Variants in GSE1 observed in about 807,000 individuals in gnomAD.
GSE1 encodes Gse1 coiled-coil protein.
In GSE1, 32 loss-of-function variants were observed where a neutral mutation model predicts 112.6. The observed-to-expected ratio is 0.28, with a 90% confidence interval of 0.21 to 0.38. The LOEUF (loss-of-function observed/expected upper bound fraction) is 0.38, where lower values mean the gene tolerates loss of function less well. GSE1 is among the 10% of genes least tolerant of loss of function. The pLI is 1.00. For missense variants in GSE1, 2,348 were observed against 1,699.2 expected, an observed-to-expected ratio of 1.38 and a Z score of -6.71; for synonymous variants, 1,115 against 735.6, an observed-to-expected ratio of 1.52 and a Z score of -8.35.
chr16:85,254,913 G>A (rs1906899875), intron 1 of GSE1, among the ~76,000 whole-genome samples: 1 of 152,220 alleles, frequency 6.6e-6, no homozygotes, highest in Admixed American at 6.5e-5. Context: ...GGGGCATCCG[G>A]CCTGCTCTGC....
upstream of GSE1, among the ~76,000 whole-genome samples, chr16:85,553,321 T>G (rs2045026299): frequency 6.7e-6 from 1 of 149,824 alleles, no homozygotes; most frequent in Non-Finnish European, 1.5e-5. Context: ...TGCCGGCGGG[T>G]GCAAGGGGAG....
chr16:85,322,995 G>A (rs1459301659), intron 1 of GSE1, among the ~76,000 whole-genome samples: 1 of 152,210 alleles, frequency 6.6e-6, no homozygotes, highest in Non-Finnish European at 1.5e-5. Flanking sequence ...GCGGGGACTA[G>A]ATGTCAGTTG....
intron 1 of GSE1, among the ~76,000 whole-genome samples, chr16:85,257,885 C>T (rs1483951492): frequency 6.6e-6 from 1 of 152,248 alleles, no homozygotes; most frequent in Non-Finnish European, 1.5e-5. Context: ...GCTCTGTCAT[C>T]ATTCCTCCAT....
intron 2 of GSE1, among the ~76,000 whole-genome samples, chr16:85,480,165 G>C (rs1363034149): frequency 2.0e-5 from 3 of 152,230 alleles, no homozygotes; most frequent in Admixed American, 2.0e-4. Context: ...AAGGAGCCAG[G>C]GTCATCGGCC....
intron 1 of GSE1, chr16:85,592,195 C>T (rs1275656262): frequency 1.3e-5 from 2 of 151,228 alleles, no homozygotes; most frequent in African/African-American, 4.9e-5. Flanking sequence ...CGGAGTCTCT[C>T]TCTGTTGCCC....
At chr16:85,194,986 A>G (rs2074899107) in intron 1 of GSE1, among the ~76,000 whole-genome samples, 1 of 152,040 alleles carries the variant, frequency 6.6e-6, no homozygotes, top group Admixed American at 6.6e-5. Context: ...AGATCATCAT[A>G]AAGACTTGTT....
chr16:85,187,411 TGA>T (rs1338052381), intron 1 of GSE1, among the ~76,000 whole-genome samples: 2 of 152,268 alleles, frequency 1.3e-5, no homozygotes, highest in Non-Finnish European at 2.9e-5. Context: ...CTTCCTGGAC[TGA>T]GAGCCCTGCT....
intron 2 of GSE1, among the ~76,000 whole-genome samples, chr16:85,637,282 G>A (rs959598702): frequency 1.3e-5 from 2 of 152,238 alleles, no homozygotes; most frequent in Non-Finnish European, 2.9e-5. Flanking sequence ...TCTGGACCCT[G>A]AGCGTGACAT....
At chr16:85,443,367 C>G (rs953214031) in intron 2 of GSE1, among the ~76,000 whole-genome samples, 1 of 152,232 alleles carries the variant, frequency 6.6e-6, no homozygotes, top group African/African-American at 2.4e-5. Context: ...GGCCTGGCTC[C>G]CACTGGCTGA....
chr16:85,415,788 A>T (rs2048691055), intron 2 of GSE1, among the ~76,000 whole-genome samples: 1 of 152,180 alleles, frequency 6.6e-6, no homozygotes, highest in Non-Finnish European at 1.5e-5. Context: ...TGACAGTTTT[A>T]TTGGCAGGCA....
intron 1 of GSE1, among the ~76,000 whole-genome samples, chr16:85,291,350 G>A (rs1462598162): frequency 3.3e-5 from 5 of 152,190 alleles, no homozygotes; most frequent in East Asian, 3.9e-4. Flanking sequence ...GCAGAAGGGC[G>A]CCTTTGTGCC....
intron 1 of GSE1, among the ~76,000 whole-genome samples, chr16:85,202,465 T>C (rs2075046160): frequency 6.6e-6 from 1 of 152,156 alleles, no homozygotes; most frequent in Admixed American, 6.5e-5. Context: ...AGACAGGGTC[T>C]CACTATGTTG....
Position 85,517,371 on chromosome 16 carries a change from A to G in GSE1, c.2465-116543A>G, listed in dbSNP as rs141604684. ...GCTTTCTCATCTGTGAAATGGGGCA[A>G]TAGAGCTGCCAGTGACCAAGTGAGT... is the stretch of plus-strand genomic sequence containing the variant. On this transcript the variant is annotated intron_variant, in intron 2 of 2. Coordinates refer to the GSE1 transcript ENST00000637419. 5.2e-3 allele frequency among the ~76,000 whole-genome samples: 790 copies of G among 152,298 alleles called. 2 individuals carry two copies. The highest frequency in any genetic ancestry group is 8.8e-3 in the Non-Finnish European group (600 of 68,018).
At chr16:85,264,246 AATAT>A in intron 1 of GSE1, among the ~76,000 whole-genome samples, 1 of 152,106 alleles carries the variant, frequency 6.6e-6, no homozygotes, top group East Asian at 1.9e-4. Context: ...CGTGGGGTGG[AATAT>A]CACGTCCCTG....
intron 2 of GSE1, among the ~76,000 whole-genome samples, chr16:85,454,250 G>A (rs993962907): frequency 4.6e-5 from 7 of 152,342 alleles, no homozygotes; most frequent in Non-Finnish European, 7.4e-5. Context: ...CATTGGTGGT[G>A]TGTAATTTTC....
intron 2 of GSE1, among the ~76,000 whole-genome samples, chr16:85,645,326 A>T (rs1373781882): frequency 6.6e-6 from 1 of 151,840 alleles, no homozygotes; most frequent in Non-Finnish European, 1.5e-5. Flanking sequence ...GTTGCTGGGG[A>T]GAATGTGAAC....
intron 1 of GSE1, among the ~76,000 whole-genome samples, chr16:85,316,049 C>T (rs1412230761): frequency 6.6e-6 from 1 of 152,216 alleles, no homozygotes; most frequent in Non-Finnish European, 1.5e-5. Context: ...GAATGTCCCA[C>T]CCGATGGACG....
intron 1 of GSE1, among the ~76,000 whole-genome samples, chr16:85,556,563 C>T (rs972132808): frequency 2.6e-5 from 4 of 151,560 alleles, no homozygotes; most frequent in African/African-American, 9.7e-5. Context: ...CGGCGGGGAG[C>T]GCCCACCTGG....
chr16:85,446,432 G>A (rs758421507), intron 2 of GSE1, among the ~76,000 whole-genome samples: 14 of 152,208 alleles, frequency 9.2e-5, no homozygotes, highest in Non-Finnish European at 1.0e-4. Flanking sequence ...TTGGACCAAC[G>A]CCTGGCACGT....
Sources: allele counts gnomAD v4.1 joint callset (sites outside exome capture counted in the v4.1 genomes callset), GRCh38; gene constraint gnomAD v4.1.1; transcripts MANE v1.5; gene names NCBI Gene and HGNC (gene_info 2026-07-23, HGNC 2026-07-21).